The following SLCO3A1 variants were observed in gnomAD, a reference collection of about 807,000 sequenced individuals.
SLCO3A1 encodes the protein PGE1 transporter.
Under a neutral mutation model 63.1 loss-of-function variants are expected in SLCO3A1, and 27 were observed. The observed-to-expected ratio is 0.43, with a 90% CI of 0.32 to 0.59. SLCO3A1 has a LOEUF of 0.59. SLCO3A1 is among the 20% of genes least tolerant of loss of function. The pLI, the probability that SLCO3A1 is intolerant of heterozygous loss-of-function variation, is 0.09. For missense variants in SLCO3A1, 773 were observed against 945.8 expected (o/e 0.82, Z 2.40); for synonymous variants, 473 against 409.9 (o/e 1.15, Z -1.86).
At chr15:92,109,329 T>A (rs980571438) in intron 4 of SLCO3A1, among the ~76,000 whole-genome samples, 3 of 152,140 alleles carry the variant, frequency 2.0e-5, no homozygotes, top group African/African-American at 4.8e-5. Context: ...TCTTAAAGAA[T>A]AAGTGGCGTC....
At chr15:91,889,221 G>A (rs770794521) in intron 1 of SLCO3A1, 9 of 1,245,352 alleles carry the variant, frequency 7.2e-6, no homozygotes, top group South Asian at 1.2e-5. Flanking sequence ...TTCTAAAATT[G>A]TTGCCAGGAA....
chr15:91,981,768 C>T (rs527604737), intron 2 of SLCO3A1, among the ~76,000 whole-genome samples: 1 of 152,316 alleles, frequency 6.6e-6, no homozygotes, highest in South Asian at 2.1e-4. Flanking sequence ...ATCCCCCTGC[C>T]ACAGAGTGTG....
chr15:91,856,523 A>G lies in SLCO3A1; in HGVS notation c.180+2435A>G, dbSNP rs193069470. ...GGAAAAAAAGTTTGCTCCTTCAGCC[A>G]TGCGAGACTTCTCTGTGGATAATTG... is the stretch of plus-strand genomic sequence containing the variant. On this transcript the variant is annotated intron_variant, in intron 1 of 9. Coordinates refer to ENST00000318445, the MANE Select transcript of SLCO3A1 (RefSeq NM_013272.4). This position sits in a 1 kb window ranked among gnomAD's most constrained non-coding sequence, Gnocchi z 4.9. Among the ~76,000 whole-genome samples the G allele has an allele frequency of 7.9e-5, 12 of 152,342 alleles. No homozygotes were observed. The highest frequency in any genetic ancestry group is 2.9e-4 in the African/African-American group (12 of 41,582).
Position 92,163,374 on chromosome 15 carries a change from G to T in SLCO3A1, c.*239G>T. The stretch of plus-strand genomic sequence containing the variant: ...GTCCTGGAGGCCACTTGCGCGGCTG[G>T]GCCACAGAGTCTACTTTGAAGGCAC... On this transcript the variant is annotated 3_prime_UTR_variant, in exon 10 of 10. Transcript: ENST00000318445. The T allele has an allele frequency of 8.7e-7, 1 of 1,148,060 alleles. No homozygotes were observed. Among genetic ancestry groups the T allele is most frequent in the Non-Finnish European group, 1.1e-6 (1 of 935,644 alleles). The allele number at this position is 1,148,060 out of a possible 1,614,324, so 71.1% of individuals were successfully genotyped here.
chr15:91,867,369 C>A (rs370598087), intron 1 of SLCO3A1, among the ~76,000 whole-genome samples: 2 of 152,244 alleles, frequency 1.3e-5, no homozygotes, highest in Admixed American at 1.3e-4. Context: ...GTATGGGTGC[C>A]ACATGGGAGG....
At chr15:92,001,848 T>C (rs1467255240) in intron 2 of SLCO3A1, among the ~76,000 whole-genome samples, 1 of 147,756 alleles carries the variant, frequency 6.8e-6, no homozygotes, top group Non-Finnish European at 1.5e-5. Flanking sequence ...TTTTTTTTTT[T>C]TTTTTGAGAC....
At chr15:92,108,639 A>G (rs980611240) in intron 4 of SLCO3A1, among the ~76,000 whole-genome samples, 11 of 152,194 alleles carry the variant, frequency 7.2e-5, no homozygotes, top group African/African-American at 2.4e-4. Context: ...TCTTGCCCTG[A>G]GAGGCCTTGA....
intron 1 of SLCO3A1, among the ~76,000 whole-genome samples, chr15:91,903,270 G>A (rs1342699370): frequency 1.3e-5 from 2 of 152,214 alleles, no homozygotes; most frequent in Admixed American, 6.5e-5. Context: ...TGAGGCCAAA[G>A]GTTGGTCAGT....
intron 6 of SLCO3A1, among the ~76,000 whole-genome samples, chr15:92,126,548 A>G (rs1341976558): frequency 6.6e-6 from 1 of 152,222 alleles, no homozygotes; most frequent in Non-Finnish European, 1.5e-5. Flanking sequence ...AAATGTGAAG[A>G]GAGAAAATAA....
At position 92,033,459 on chromosome 15, in the gene SLCO3A1, G is replaced by A. The variant is rs1282029110; in HGVS notation, c.647-61422G>A. The stretch of plus-strand genomic sequence containing the variant: ...TGGGCAGCTGGATGGACACGTCGTG[G>A]AGTGAAAACCTAAAGGGAACTAAAT... On this transcript the variant is annotated intron_variant, in intron 2 of 9. Transcript: ENST00000318445. The surrounding 1 kb of genome is among the most constrained non-coding windows in gnomAD (Gnocchi z 4.5). Among the ~76,000 whole-genome samples, 1 of 152,178 alleles carries A rather than the reference G, an allele frequency of 6.6e-6. No homozygotes were observed. The highest frequency in any genetic ancestry group is 2.4e-5 in the African/African-American group (1 of 41,438).
rs539170269 is a variant in SLCO3A1 at position 91,950,909 on chromosome 15, A to G, written c.646+34451A>G. Among the ~76,000 whole-genome samples, 7 of 151,078 alleles carry G rather than the reference A, an allele frequency of 4.6e-5. No individual in the cohort carries two copies. The highest frequency in any genetic ancestry group is 1.5e-4 in the African/African-American group (6 of 41,338). On this transcript the variant is annotated intron_variant, in intron 2 of 9. Transcript: ENST00000318445. This position sits in a 1 kb window ranked among gnomAD's most constrained non-coding sequence, Gnocchi z 4.4. ...GGCTTATATCCAATCTGAGAAAGAA[A>G]GAAAAAAAAAAAAGTATTTCTCTGG...
At chr15:92,055,503 G>T (rs1021075912) in intron 2 of SLCO3A1, among the ~76,000 whole-genome samples, 2 of 151,846 alleles carry the variant, frequency 1.3e-5, no homozygotes, top group Non-Finnish European at 2.9e-5. Context: ...ACTTGTGTAG[G>T]TTTTTTTTCC....
intron 2 of SLCO3A1, among the ~76,000 whole-genome samples, chr15:92,043,795 C>T (rs947841008): frequency 6.6e-6 from 1 of 152,308 alleles, no homozygotes; most frequent in Admixed American, 6.5e-5. Flanking sequence ...TCAGTTCTTA[C>T]TCAGAACCCC....
In SLCO3A1 at chr15:91,916,252, G is replaced by A; in HGVS notation, c.440G>A (p.Arg147His). Reference sequence around the variant, plus strand: ...GAGATCCGCTGGGGCGCCGAGGGCCGCGACGTCTGCGCAGCCAACGGCTCG... The same window carrying A: ...GAGATCCGCTGGGGCGCCGAGGGCCACGACGTCTGCGCAGCCAACGGCTCG... Reference protein sequence around the residue: ...AGEIRWGAEGRDVCAANGSGG... With the variant: ...AGEIRWGAEGHDVCAANGSGG... Residue 147 changes from arginine (R) to histidine (H), a missense_variant, in exon 2 of 10, where the codon CGC becomes CAC. Physicochemically the swap from Arg to His is conservative, Grantham distance 29. Coordinates refer to ENST00000318445, the MANE Select transcript of SLCO3A1 (RefSeq NM_013272.4). The surrounding 1 kb of genome is among the most constrained non-coding windows in gnomAD (Gnocchi z 6.2). The A allele has an allele frequency of 6.4e-7, 1 of 1,565,722 alleles. No homozygotes were observed. Among genetic ancestry groups the A allele is most frequent in the Non-Finnish European group, 8.7e-7 (1 of 1,155,906 alleles).
chr15:92,002,832 A>C (rs551856653), intron 2 of SLCO3A1, among the ~76,000 whole-genome samples: 70 of 152,350 alleles, frequency 4.6e-4, no homozygotes, highest in Non-Finnish European at 9.1e-4. Flanking sequence ...AGGGATACCT[A>C]TGCTGATAAT....
intron 3 of SLCO3A1, among the ~76,000 whole-genome samples, chr15:92,096,905 T>A (rs2047545794): frequency 6.6e-6 from 1 of 152,176 alleles, no homozygotes; most frequent in African/African-American, 2.4e-5. Flanking sequence ...TGAACCCGTT[T>A]CCTAGGGAGT....
At chr15:92,121,946 G>A (rs927386441) in intron 5 of SLCO3A1, among the ~76,000 whole-genome samples, 12 of 152,228 alleles carry the variant, frequency 7.9e-5, no homozygotes, top group South Asian at 2.1e-4. Flanking sequence ...GGTGGCACCC[G>A]TTCTGTGGTG....
chr15:91,962,168 C>G (rs115208998), intron 2 of SLCO3A1, among the ~76,000 whole-genome samples: 99 of 152,180 alleles, frequency 6.5e-4, no homozygotes, highest in African/African-American at 2.3e-3. Context: ...GAGGCAGTGA[C>G]TAGAGTGGAC....
chr15:91,952,585 T>C (rs149640528), intron 2 of SLCO3A1, among the ~76,000 whole-genome samples: 1 of 152,308 alleles, frequency 6.6e-6, no homozygotes, highest in African/African-American at 2.4e-5. Context: ...AGATGCAGGA[T>C]TGCATGCTAA....
Sources: allele counts gnomAD v4.1 joint callset (sites outside exome capture counted in the v4.1 genomes callset), GRCh38; gene constraint gnomAD v4.1.1; non-coding constraint Gnocchi (gnomAD v3.1); transcripts MANE v1.5; gene names NCBI Gene and HGNC (gene_info 2026-07-23, HGNC 2026-07-21).